Variants in MALRD1 observed in about 807,000 individuals in gnomAD.
MALRD1 encodes the protein MAM and LDL receptor class A domain containing 1.
In MALRD1, 247 loss-of-function variants were observed where a neutral mutation model predicts 242.1. The ratio of observed to expected loss-of-function variants is 1.02; its 90% CI spans 0.92 to 1.13. The LOEUF (loss-of-function observed/expected upper bound fraction) is 1.13, where lower values mean the gene tolerates loss of function less well. Ranked by LOEUF, MALRD1 falls within the 50% of genes most tolerant of loss-of-function variation. The pLI, the probability that MALRD1 is intolerant of heterozygous loss-of-function variation, is 0.00. For missense variants in MALRD1, 2,989 were observed against 2,533.1 expected (o/e 1.18, Z -3.86); for synonymous variants, 995 against 866.6 (o/e 1.15, Z -2.60).
chr10:19,489,442 T>C, intron 29 of MALRD1: 1 of 589,902 alleles, frequency 1.7e-6, no homozygotes, highest in Non-Finnish European at 3.2e-6. Context: ...CCTGTCTCCC[T>C]TCTTGTACAA....
At chr10:19,487,488 C>G (rs1332927) in intron 29 of MALRD1, among the ~76,000 whole-genome samples, 103,537 of 150,534 alleles carry the variant, frequency 0.69, 35,855 homozygotes, top group East Asian at 0.89. Flanking sequence ...AAGAAAATAA[C>G]CCTTATTTAG....
chr10:19,454,404 T>TTATATATATA (rs1564356457), intron 29 of MALRD1, among the ~76,000 whole-genome samples: 7 of 30,404 alleles, frequency 2.3e-4, no homozygotes, highest in South Asian at 9.1e-4. Context: ...ATTATGCATA[T>TTATATATATA]GATATATATA....
In MALRD1 at chr10:19,352,205, G is replaced by A. The variant is rs75914067; in HGVS notation, c.4349G>A (p.Gly1450Glu). The A allele has an allele frequency of 6.4e-7, 1 of 1,550,390 alleles. No individual in the cohort carries two copies. Among genetic ancestry groups the A allele is most frequent in the Non-Finnish European group, 8.7e-7 (1 of 1,146,884 alleles). The part of the protein sequence containing the change: ...FEGRVGKGQR[G>E]DIALDDIVLT... ...GGTAGAGTTGGGAAAGGTCAGCGTG[G>A]AGACATTGCACTTGATGACATTGTG... Residue 1450 changes from glycine to glutamate, a missense_variant, in exon 26 of 40, where the codon GGA (glycine) becomes GAA (glutamate). Gly to Glu is a moderately conservative substitution (Grantham distance 98). Coordinates refer to ENST00000454679, the MANE Select transcript of MALRD1 (RefSeq NM_001142308.3).
intron 31 of MALRD1, among the ~76,000 whole-genome samples, chr10:19,524,546 C>T (rs1589194739): frequency 6.6e-6 from 1 of 152,016 alleles, no homozygotes; most frequent in Non-Finnish European, 1.5e-5. Flanking sequence ...GAGCGTTTCA[C>T]CTGATAGTCA....
intron 36 of MALRD1, among the ~76,000 whole-genome samples, chr10:19,651,447 AT>A (rs1338577459): frequency 1.3e-5 from 2 of 152,186 alleles, no homozygotes. Flanking sequence ...TATTATTCTT[AT>A]TTTAAAAGAA....
At chr10:19,398,002 C>G (rs2130843741) in intron 28 of MALRD1, among the ~76,000 whole-genome samples, 1 of 151,466 alleles carries the variant, frequency 6.6e-6, no homozygotes, top group East Asian at 1.9e-4. Context: ...ATTGTCTAAT[C>G]AGATTATTTG....
At chr10:19,289,388 A>G (rs1279998657) in intron 21 of MALRD1, among the ~76,000 whole-genome samples, 1 of 152,188 alleles carries the variant, frequency 6.6e-6, no homozygotes, top group Non-Finnish European at 1.5e-5. Flanking sequence ...AATAGGCCTC[A>G]ATAATTATTT....
At chr10:19,314,419 A>G (rs780095999) in intron 21 of MALRD1, among the ~76,000 whole-genome samples, 2 of 151,614 alleles carry the variant, frequency 1.3e-5, no homozygotes, top group Admixed American at 6.6e-5. Flanking sequence ...ACCAGAAGTT[A>G]TAAGTGTGCC....
At chr10:19,284,180 T>C (rs1840975689) in intron 21 of MALRD1, among the ~76,000 whole-genome samples, 1 of 152,194 alleles carries the variant, frequency 6.6e-6, no homozygotes, top group Admixed American at 6.5e-5. Flanking sequence ...CATTTTGAAC[T>C]TTTTTCACTT....
intron 29 of MALRD1, among the ~76,000 whole-genome samples, chr10:19,477,910 G>C (rs1361232414): frequency 6.6e-6 from 1 of 152,152 alleles, no homozygotes; most frequent in Non-Finnish European, 1.5e-5. Flanking sequence ...TTGACAAAAG[G>C]GAAGTTGGAG....
At chr10:19,120,321 C>G (rs1378372529) in intron 5 of MALRD1, among the ~76,000 whole-genome samples, 2 of 152,076 alleles carry the variant, frequency 1.3e-5, no homozygotes, top group African/African-American at 4.8e-5. Flanking sequence ...GGGATCAGCT[C>G]TGTCCAATAT....
chr10:19,324,909 TG>T (rs1321001613), intron 22 of MALRD1, among the ~76,000 whole-genome samples: 1 of 151,574 alleles, frequency 6.6e-6, no homozygotes. Context: ...TGTTTTTTTT[TG>T]TTATCAATAA....
At chr10:19,325,309 A>AT (rs1433957776) in intron 22 of MALRD1, among the ~76,000 whole-genome samples, 1 of 151,958 alleles carries the variant, frequency 6.6e-6, no homozygotes, top group Non-Finnish European at 1.5e-5. Context: ...AAGGCCCATT[A>AT]TTCTTTGAGC....
Position 19,389,567 on chromosome 10 carries a change from C to T in MALRD1, c.4803C>T (p.Phe1601=), listed in dbSNP as rs1385032119. 5.2e-6 allele frequency: 8 copies of T among 1,550,694 alleles called. No homozygotes were observed. The Admixed American group carries it at 7.8e-5, about 15-fold the overall frequency. ...SAACTMSFWY[F]VSAKATGSIQ... The stretch of plus-strand genomic sequence containing the variant: ...CCTGCACCATGAGCTTCTGGTATTT[C>T]GTATCTGCAAAGGCCACAGGATCCA... Residue 1601 remains phenylalanine, a synonymous_variant, in exon 28 of 40, where the codon TTC becomes TTT. Transcript: ENST00000454679.
At chr10:19,079,581 T>TA (rs1391938720) in intron 2 of MALRD1, among the ~76,000 whole-genome samples, 2 of 151,986 alleles carry the variant, frequency 1.3e-5, no homozygotes, top group African/African-American at 4.8e-5. Flanking sequence ...GGTAGAATAT[T>TA]AGAGTCTCCA....
chr10:19,124,458 C>G, intron 6 of MALRD1, 66 bp from the exon 7 acceptor site: 1 of 1,211,282 alleles, frequency 8.3e-7, no homozygotes, highest in East Asian at 3.2e-5. Context: ...GATTACAACA[C>G]ATAACTTGGT....
chr10:19,373,915 G>T (rs1407384567), intron 26 of MALRD1, among the ~76,000 whole-genome samples: 1 of 152,108 alleles, frequency 6.6e-6, no homozygotes, highest in Non-Finnish European at 1.5e-5. Context: ...AACAATTTGT[G>T]ACTGGTCTGT....
intron 32 of MALRD1, among the ~76,000 whole-genome samples, chr10:19,546,191 G>A (rs559056718): frequency 6.6e-6 from 1 of 152,220 alleles, no homozygotes; most frequent in South Asian, 2.1e-4. Context: ...ATATTACTAT[G>A]TGTGCTTTAT....
intron 21 of MALRD1, among the ~76,000 whole-genome samples, chr10:19,297,483 G>C (rs1414793229): frequency 6.6e-6 from 1 of 151,506 alleles, no homozygotes; most frequent in Non-Finnish European, 1.5e-5. Context: ...TAAAGTTTGG[G>C]GTAAGAGTAT....
Sources: gnomAD v4.1 joint callset for allele counts (sites outside exome capture counted in the v4.1 genomes callset) on GRCh38, gnomAD v4.1.1 for gene constraint, MANE v1.5 for transcripts, NCBI Gene and HGNC (gene_info 2026-07-23, HGNC 2026-07-21) for gene names.